Variants in APBB2 observed in about 807,000 individuals in gnomAD.
APBB2 encodes amyloid beta precursor protein binding family B member 2.
A neutral mutation model predicts 82.5 loss-of-function variants in APBB2; 38 were observed. The ratio of observed to expected loss-of-function variants is 0.46; its 90% CI spans 0.36 to 0.60. APBB2 has a LOEUF of 0.60. APBB2 is among the 20% of genes least tolerant of loss of function. The probability of loss-of-function intolerance (pLI) is 0.00; values close to 1 mark genes in which losing one functional copy is unlikely to be tolerated. For missense variants in APBB2, 772 were observed against 972.3 expected, an observed-to-expected ratio of 0.79 and a Z score of 2.74; for synonymous variants, 341 against 368.2, an observed-to-expected ratio of 0.93 and a Z score of 0.85.
At chr4:41,048,291 T>C (rs1435167226) in intron 4 of APBB2, among the ~76,000 whole-genome samples, 2 of 152,236 alleles carry the variant, frequency 1.3e-5, no homozygotes, top group Non-Finnish European at 2.9e-5. Flanking sequence ...AACTGCTAAG[T>C]ATAATGCAAA....
intron 6 of APBB2, among the ~76,000 whole-genome samples, chr4:41,011,233 T>C (rs1298683362): frequency 3.3e-5 from 5 of 151,986 alleles, no homozygotes; most frequent in Admixed American, 2.0e-4. Flanking sequence ...CAGGCTGGAG[T>C]GCAGTGGCAC....
chr4:41,207,015 T>G (rs1457752499), intron 1 of APBB2, among the ~76,000 whole-genome samples: 1 of 151,782 alleles, frequency 6.6e-6, no homozygotes, highest in Non-Finnish European at 1.5e-5. Flanking sequence ...TTGGCCAAAG[T>G]GGTGAAACCC....
intron 1 of APBB2, among the ~76,000 whole-genome samples, chr4:41,195,951 G>A: frequency 6.6e-6 from 1 of 152,160 alleles, no homozygotes; most frequent in African/African-American, 2.4e-5. Flanking sequence ...ACAAGGTCAG[G>A]AGATCGAGAC....
chr4:40,978,446 A>T (rs943173723), intron 6 of APBB2, among the ~76,000 whole-genome samples: 8 of 152,210 alleles, frequency 5.3e-5, no homozygotes, highest in African/African-American at 1.9e-4. Context: ...GCCTGAATAC[A>T]AACCACTAGA....
intron 10 of APBB2, among the ~76,000 whole-genome samples, chr4:40,894,938 C>T (rs1238482170): frequency 6.6e-6 from 1 of 152,194 alleles, no homozygotes; most frequent in African/African-American, 2.4e-5. Context: ...CCAGCAGTTG[C>T]AGAGGCCACC....
intron 12 of APBB2, among the ~76,000 whole-genome samples, chr4:40,862,353 G>C (rs1250425945): frequency 6.6e-6 from 1 of 152,162 alleles, no homozygotes; most frequent in Non-Finnish European, 1.5e-5. Context: ...TCCTTATATT[G>C]CCTCAGCCAA....
At chr4:41,183,773 C>G (rs770020344) in intron 1 of APBB2, among the ~76,000 whole-genome samples, 26 of 151,382 alleles carry the variant, frequency 1.7e-4, no homozygotes, top group Non-Finnish European at 3.5e-4. Context: ...TTGTCCCCAA[C>G]CTTTTTGGCA....
At chr4:40,960,439 T>C (rs1349349909) in intron 6 of APBB2, among the ~76,000 whole-genome samples, 4 of 142,028 alleles carry the variant, frequency 2.8e-5, no homozygotes, top group Non-Finnish European at 4.5e-5. Context: ...ACAGAAATTT[T>C]TTTTCGGGTT....
intron 6 of APBB2, chr4:40,990,237 T>C (rs770803861): frequency 6.6e-6 from 1 of 152,216 alleles, no homozygotes; most frequent in East Asian, 1.9e-4. Context: ...AGAACTTGGA[T>C]GGGAGACCAC....
intron 6 of APBB2, among the ~76,000 whole-genome samples, chr4:40,994,901 AGAAG>A (rs969556607): frequency 1.3e-5 from 2 of 151,862 alleles, no homozygotes; most frequent in Admixed American, 6.6e-5. Flanking sequence ...AAAGAAATAA[AGAAG>A]GAAAATATTA....
intron 4 of APBB2, among the ~76,000 whole-genome samples, chr4:41,049,308 G>C (rs931169416): frequency 7.8e-6 from 1 of 127,650 alleles, no homozygotes; most frequent in Non-Finnish European, 1.7e-5. Flanking sequence ...CCCTCTGCCC[G>C]GCAGCCGCCC....
chr4:41,005,374 C>A (rs1806411677), intron 6 of APBB2, among the ~76,000 whole-genome samples: 1 of 152,110 alleles, frequency 6.6e-6, no homozygotes, highest in Non-Finnish European at 1.5e-5. Context: ...AGGCATGAGC[C>A]ACAGCGCCTG....
intron 12 of APBB2, among the ~76,000 whole-genome samples, chr4:40,851,833 C>G (rs1240478625): frequency 6.8e-6 from 1 of 147,388 alleles, no homozygotes. Context: ...GTTCACAATT[C>G]TGCAGCTGGA....
At position 40,826,222 on chromosome 4, in the gene APBB2, T is replaced by G; in HGVS notation, c.1733-252A>C. The G allele has an allele frequency of 2.1e-6, 1 of 480,042 alleles. No individual in the cohort carries two copies. The highest frequency in any genetic ancestry group is 3.8e-6 in the Non-Finnish European group (1 of 262,394). 29.7% of individuals were successfully genotyped at this position (480,042 alleles called of 1,614,324 possible). A position where few individuals can be genotyped will look rare whatever the true frequency, so the allele number is the denominator to read the frequency against. Reference sequence around the variant, plus strand: ...GGAAGTGGCATCTATGTGTTAAAGCTGCTACTGTCTCTTTGATGTATATTA... The same window carrying G: ...GGAAGTGGCATCTATGTGTTAAAGCGGCTACTGTCTCTTTGATGTATATTA... On this transcript the variant is annotated intron_variant, in intron 14 of 17. Transcript: ENST00000508593. This position sits in a 1 kb window ranked among gnomAD's most constrained non-coding sequence, Gnocchi z 4.5.
At chr4:41,201,392 T>G (rs1293649735) in intron 1 of APBB2, among the ~76,000 whole-genome samples, 1 of 152,150 alleles carries the variant, frequency 6.6e-6, no homozygotes, top group Non-Finnish European at 1.5e-5. Flanking sequence ...CTACAAAAGG[T>G]GGAGCATCGC....
At chr4:40,977,043 C>CA (rs60333485) in intron 6 of APBB2, among the ~76,000 whole-genome samples, 10,914 of 149,028 alleles carry the variant, frequency 0.073, 1,295 homozygotes, top group African/African-American at 0.25. Context: ...GACTTTGTCT[C>CA]AAAAAAAAAT....
At chr4:40,845,537 A>G (rs1216046091) in intron 12 of APBB2, among the ~76,000 whole-genome samples, 1 of 149,272 alleles carries the variant, frequency 6.7e-6, no homozygotes, top group Non-Finnish European at 1.5e-5. Flanking sequence ...GCCTGAAATA[A>G]CAGAAGTACC....
At chr4:40,920,803 G>A (rs1578440121) in intron 10 of APBB2, among the ~76,000 whole-genome samples, 2 of 151,402 alleles carry the variant, frequency 1.3e-5, no homozygotes, top group East Asian at 1.9e-4. Flanking sequence ...TCTGGGAGGC[G>A]GTGGTTGCTG....
intron 7 of APBB2, among the ~76,000 whole-genome samples, chr4:40,938,207 TG>T (rs1785877195): frequency 6.6e-6 from 1 of 152,216 alleles, no homozygotes; most frequent in African/African-American, 2.4e-5. Flanking sequence ...CAGTCATAGC[TG>T]GGACACCCTC....
Sources: allele counts gnomAD v4.1 joint callset (sites outside exome capture counted in the v4.1 genomes callset), GRCh38; gene constraint gnomAD v4.1.1; non-coding constraint Gnocchi (gnomAD v3.1); transcripts MANE v1.5; gene names NCBI Gene and HGNC (gene_info 2026-07-23, HGNC 2026-07-21).